The following GRID2 variants were observed in gnomAD, a reference collection of about 807,000 sequenced individuals.
GRID2 encodes the protein glutamate ionotropic receptor delta type subunit 2, also known as glutamate receptor ionotropic, delta-2.
A neutral mutation model predicts 114.8 loss-of-function variants in GRID2; 33 were observed. The observed-to-expected ratio is 0.29, with a 90% CI of 0.22 to 0.38. The LOEUF is 0.38. GRID2 is among the 10% of genes least tolerant of loss of function. The pLI is 1.00. For missense variants in GRID2, 1,184 were observed against 1,257.7 expected, an observed-to-expected ratio of 0.94 and a Z score of 0.89; for synonymous variants, 505 against 449.9, an observed-to-expected ratio of 1.12 and a Z score of -1.55.
chr4:92,843,129 G>C (rs2149412356), intron 2 of GRID2, among the ~76,000 whole-genome samples: 1 of 152,148 alleles, frequency 6.6e-6, no homozygotes, highest in East Asian at 1.9e-4. Flanking sequence ...TGTAGTCCCA[G>C]CTACTTGGAA....
At chr4:92,521,948 C>T (rs1724802133) in intron 1 of GRID2, among the ~76,000 whole-genome samples, 1 of 152,100 alleles carries the variant, frequency 6.6e-6, no homozygotes, top group South Asian at 2.1e-4. Context: ...CTTCTAAGTG[C>T]TTGGGAAATA....
At chr4:92,903,983 T>G (rs1747770068) in intron 2 of GRID2, among the ~76,000 whole-genome samples, 1 of 151,956 alleles carries the variant, frequency 6.6e-6, no homozygotes, top group Non-Finnish European at 1.5e-5. Flanking sequence ...TGATTCTGTT[T>G]AATCATCACT....
At chr4:92,781,888 G>A (rs1362114465) in intron 2 of GRID2, among the ~76,000 whole-genome samples, 1 of 151,752 alleles carries the variant, frequency 6.6e-6, no homozygotes, top group Non-Finnish European at 1.5e-5. Context: ...AATATGTATT[G>A]GACATCAATT....
intron 3 of GRID2, among the ~76,000 whole-genome samples, chr4:93,086,471 C>A (rs1049378675): frequency 1.3e-5 from 2 of 152,130 alleles, no homozygotes; most frequent in Non-Finnish European, 2.9e-5. Flanking sequence ...CTCCTGTGGA[C>A]TCTCAGGGAG....
intron 2 of GRID2, among the ~76,000 whole-genome samples, chr4:92,686,827 T>A (rs931448679): frequency 6.6e-6 from 1 of 152,110 alleles, no homozygotes; most frequent in African/African-American, 2.4e-5. Flanking sequence ...CATTTTGTAT[T>A]CAGAAATGAG....
chr4:92,318,970 A>T (rs1051394847), intron 1 of GRID2, among the ~76,000 whole-genome samples: 1 of 152,080 alleles, frequency 6.6e-6, no homozygotes, highest in Non-Finnish European at 1.5e-5. Context: ...GAAGGAATGT[A>T]CAGAGGGAAC....
chr4:93,383,748 A>G (rs1233294791), intron 8 of GRID2, among the ~76,000 whole-genome samples: 1 of 152,150 alleles, frequency 6.6e-6, no homozygotes, highest in East Asian at 1.9e-4. Context: ...TCTCACTCAC[A>G]ACTTTGGTTT....
At chr4:92,336,088 T>A (rs1487128240) in intron 1 of GRID2, among the ~76,000 whole-genome samples, 1 of 152,184 alleles carries the variant, frequency 6.6e-6, no homozygotes, top group Non-Finnish European at 1.5e-5. Context: ...TTTGCGGTAA[T>A]GTCTATGTTA....
chr4:92,478,549 ACT>A lies in GRID2; in HGVS notation c.89-111579_89-111578del, dbSNP rs1158479640. On this transcript the variant is annotated intron_variant, in intron 1 of 15. Transcript: ENST00000282020. Reference sequence around the variant, plus strand: ...GCTGTATGCTCATATTTACATCAAAACTCTGTCAGATGATTAGATTTTGCACA... The same window carrying A: ...GCTGTATGCTCATATTTACATCAAAACTGTCAGATGATTAGATTTTGCACA... 3.9e-5 allele frequency among the ~76,000 whole-genome samples: 6 copies of A among 152,044 alleles called. No homozygotes were observed. In the East Asian group the frequency reaches 1.2e-3, roughly 29 times the overall value.
intron 12 of GRID2, among the ~76,000 whole-genome samples, chr4:93,499,288 C>G (rs993056882): frequency 2.0e-5 from 3 of 151,998 alleles, no homozygotes; most frequent in Non-Finnish European, 2.9e-5. Context: ...TCCTCTTTCT[C>G]CATTCTCTTC....
chr4:92,455,461 G>A (rs1265647335), intron 1 of GRID2, among the ~76,000 whole-genome samples: 6 of 152,130 alleles, frequency 3.9e-5, no homozygotes, highest in Admixed American at 3.3e-4. Flanking sequence ...CATCAGGAGA[G>A]GATATAACGT....
intron 2 of GRID2, among the ~76,000 whole-genome samples, chr4:92,715,986 G>A (rs1735526399): frequency 6.6e-6 from 1 of 152,198 alleles, no homozygotes; most frequent in Non-Finnish European, 1.5e-5. Flanking sequence ...TACTTGAGAT[G>A]TTTTCTGTCA....
intron 1 of GRID2, among the ~76,000 whole-genome samples, chr4:92,434,596 C>T (rs1732640011): frequency 6.6e-6 from 1 of 152,046 alleles, no homozygotes; most frequent in Admixed American, 6.6e-5. Flanking sequence ...CTATCCTGAC[C>T]TCCTTTGGAG....
chr4:92,927,857 G>A (rs756121318), intron 2 of GRID2, among the ~76,000 whole-genome samples: 1 of 151,556 alleles, frequency 6.6e-6, no homozygotes, highest in East Asian at 1.9e-4. Context: ...TCAGATTTTT[G>A]CATTTTTTTG....
chr4:92,803,974 C>T (rs1418837913), intron 2 of GRID2, among the ~76,000 whole-genome samples: 1 of 151,814 alleles, frequency 6.6e-6, no homozygotes, highest in Non-Finnish European at 1.5e-5. Context: ...CATTTCTTGG[C>T]TTGTGGCAGC....
At chr4:93,613,296 C>A (rs1741174691) in intron 13 of GRID2, among the ~76,000 whole-genome samples, 1 of 136,726 alleles carries the variant, frequency 7.3e-6, no homozygotes, top group African/African-American at 2.8e-5. Context: ...TCGTCTGAAG[C>A]CTTCTTCTCT....
Position 93,309,256 on chromosome 4 carries a change from A to G in GRID2, c.1245+70766A>G, listed in dbSNP as rs1283787182. ...TTTTTCAAGAATTAATGAATGAGGC[A>G]GGGTGCGGTGGCTCACACCTGTAAT... On this transcript the variant is annotated intron_variant, in intron 8 of 15. Coordinates refer to ENST00000282020, the MANE Select transcript of GRID2 (RefSeq NM_001510.4). 3.9e-5 allele frequency among the ~76,000 whole-genome samples: 6 copies of G among 152,250 alleles called. No individual in the cohort carries two copies. In the East Asian group the frequency reaches 1.2e-3, roughly 30 times the overall value.
chr4:92,336,914 T>A (rs1050946674), intron 1 of GRID2, among the ~76,000 whole-genome samples: 1 of 151,126 alleles, frequency 6.6e-6, no homozygotes, highest in Non-Finnish European at 1.5e-5. Context: ...CTCACTGGAG[T>A]CTTTTTGGCT....
chr4:92,820,188 G>A (rs1004892707), intron 2 of GRID2, among the ~76,000 whole-genome samples: 21 of 152,114 alleles, frequency 1.4e-4, no homozygotes, highest in African/African-American at 5.1e-4. Flanking sequence ...AGGGGAGAGG[G>A]CTATGACAAG....
Sources: gnomAD v4.1 joint callset for allele counts (sites outside exome capture counted in the v4.1 genomes callset) on GRCh38, gnomAD v4.1.1 for gene constraint, MANE v1.5 for transcripts, NCBI Gene and HGNC (gene_info 2026-07-23, HGNC 2026-07-21) for gene names.